Variants in STK39 observed in about 807,000 individuals in gnomAD.
The protein encoded by STK39 is STE20/SPS1-related proline-alanine-rich protein kinase.
Under a neutral mutation model 77.8 loss-of-function variants are expected in STK39, and 20 were observed. The ratio of observed to expected loss-of-function variants is 0.26; its 90% CI spans 0.18 to 0.37. The LOEUF (loss-of-function observed/expected upper bound fraction) is 0.37. Ranked by LOEUF, STK39 falls within the 10% of genes least tolerant of loss-of-function variation. The pLI is 1.00. For synonymous variants in STK39, 246 were observed against 234.1 expected (o/e 1.05, Z -0.47); for missense variants, 479 against 656.5 (o/e 0.73, Z 2.95).
At chr2:168,021,508 G>C (rs889970928) in intron 14 of STK39, among the ~76,000 whole-genome samples, 2 of 152,018 alleles carry the variant, frequency 1.3e-5, no homozygotes, top group African/African-American at 4.8e-5. Context: ...ACCTTTAATT[G>C]AAAGTACATT....
chr2:168,143,214 G>C (rs982615708), intron 5 of STK39, among the ~76,000 whole-genome samples: 1 of 152,186 alleles, frequency 6.6e-6, no homozygotes, highest in African/African-American at 2.4e-5. Context: ...AACAAATAAT[G>C]CTGTCATCCT....
rs200972170 is a variant in STK39 at position 167,961,583 on chromosome 2, TA to T, written c.1563+3078del. Among the ~76,000 whole-genome samples, 131 of 151,144 alleles carry T rather than the reference TA, an allele frequency of 8.7e-4. 1 individual carries two copies. Among genetic ancestry groups the T allele is most frequent in the African/African-American group, 2.4e-3 (99 of 41,204 alleles). On this transcript the variant is annotated intron_variant, in intron 17 of 17. Transcript: ENST00000355999. ...AAGGTTTACAACAATAAAACACTAC[TA>T]AAAAAAAATACATCAAACTCAAAGC...
intron 2 of STK39, among the ~76,000 whole-genome samples, chr2:168,181,476 C>A (rs1279841733): frequency 6.6e-6 from 1 of 151,948 alleles, no homozygotes; most frequent in Non-Finnish European, 1.5e-5. Flanking sequence ...TTAAGAAAAA[C>A]AAACTCCTCT....
intron 1 of STK39, among the ~76,000 whole-genome samples, chr2:168,183,373 TC>T (rs753513757): frequency 8.5e-5 from 13 of 152,226 alleles, no homozygotes; most frequent in Non-Finnish European, 1.6e-4. Context: ...GACACTTGAC[TC>T]CTTATGAGCC....
chr2:168,019,610 G>A (rs1466965834), intron 14 of STK39, among the ~76,000 whole-genome samples: 5 of 152,212 alleles, frequency 3.3e-5, no homozygotes, highest in Non-Finnish European at 5.9e-5. Context: ...CTGCCCTGGA[G>A]GTGGAGTGTA....
At chr2:167,964,580 A>T (rs994518773) in intron 17 of STK39, 82 bp downstream of exon 17, 6 of 1,240,236 alleles carry the variant, frequency 4.8e-6, no homozygotes, top group Non-Finnish European at 5.8e-6. Flanking sequence ...ATTACAGAGT[A>T]GGTTATTAAA....
At chr2:168,147,778 A>G (rs1407611884) in intron 5 of STK39, among the ~76,000 whole-genome samples, 1 of 152,192 alleles carries the variant, frequency 6.6e-6, no homozygotes, top group East Asian at 1.9e-4. Flanking sequence ...GGCCCAGTAT[A>G]CTACACTCAG....
At chr2:168,105,732 A>G (rs1361467635) in intron 10 of STK39, among the ~76,000 whole-genome samples, 1 of 152,252 alleles carries the variant, frequency 6.6e-6, no homozygotes, top group East Asian at 1.9e-4. Context: ...CCAGAGTTTC[A>G]GGATTAATAA....
intron 2 of STK39, among the ~76,000 whole-genome samples, chr2:168,170,697 G>A (rs1688801650): frequency 6.6e-6 from 1 of 152,170 alleles, no homozygotes; most frequent in South Asian, 2.1e-4. Flanking sequence ...TGAGAGGAGG[G>A]ACACAGACGA....
intron 1 of STK39, among the ~76,000 whole-genome samples, chr2:168,197,220 C>T (rs750323112): frequency 1.3e-5 from 2 of 152,090 alleles, no homozygotes; most frequent in Admixed American, 6.5e-5. Flanking sequence ...TATATTTGGA[C>T]GTAGAGCCAC....
At chr2:168,193,711 T>C (rs920908634) in intron 1 of STK39, among the ~76,000 whole-genome samples, 7 of 152,210 alleles carry the variant, frequency 4.6e-5, no homozygotes, top group Non-Finnish European at 7.3e-5. Flanking sequence ...CTGTGTTGTA[T>C]TGAAAGATGT....
chr2:168,057,631 G>A (rs576944936), intron 14 of STK39, among the ~76,000 whole-genome samples: 2 of 152,220 alleles, frequency 1.3e-5, no homozygotes, highest in African/African-American at 4.8e-5. Context: ...CCCTGTTCCA[G>A]CCTGTTAATC....
chr2:168,138,314 T>C, intron 7 of STK39, 93 bp from the exon 8 acceptor site: 1 of 1,464,060 alleles, frequency 6.8e-7, no homozygotes, highest in Non-Finnish European at 9.1e-7. Flanking sequence ...AAAACCATCC[T>C]TGATTAGATA....
At chr2:167,958,353 T>C (rs992569643) in intron 17 of STK39, among the ~76,000 whole-genome samples, 1 of 152,184 alleles carries the variant, frequency 6.6e-6, no homozygotes, top group Non-Finnish European at 1.5e-5. Flanking sequence ...TTACATAAAT[T>C]AATTATACTA....
intron 5 of STK39, among the ~76,000 whole-genome samples, chr2:168,147,735 C>G (rs1688178276): frequency 6.6e-6 from 1 of 152,088 alleles, no homozygotes; most frequent in South Asian, 2.1e-4. Context: ...ATGACATGAC[C>G]TAAACAACAT....
chr2:168,145,651 T>A (rs968717719), intron 5 of STK39, among the ~76,000 whole-genome samples: 12 of 152,174 alleles, frequency 7.9e-5, no homozygotes, highest in African/African-American at 2.9e-4. Context: ...GCCAACTGTG[T>A]GGTTATGATG....
chr2:168,103,460 A>G, intron 10 of STK39, among the ~76,000 whole-genome samples: 1 of 152,224 alleles, frequency 6.6e-6, no homozygotes, highest in South Asian at 2.1e-4. Flanking sequence ...ATTCTCCAAG[A>G]AACAGAAAAC....
chr2:168,028,178 T>TA (rs911403845), intron 14 of STK39, among the ~76,000 whole-genome samples: 22 of 152,254 alleles, frequency 1.4e-4, no homozygotes, highest in African/African-American at 4.8e-4. Flanking sequence ...TCAAAAATTA[T>TA]AAAAAACATT....
chr2:167,965,800 A>G (rs1692141783), intron 16 of STK39, among the ~76,000 whole-genome samples: 2 of 152,234 alleles, frequency 1.3e-5, no homozygotes, highest in South Asian at 4.1e-4. Flanking sequence ...ACATACAAGT[A>G]TTTTGAGAAA....
Sources: gnomAD v4.1 joint callset for allele counts (sites outside exome capture counted in the v4.1 genomes callset) on GRCh38, gnomAD v4.1.1 for gene constraint, MANE v1.5 for transcripts, NCBI Gene and HGNC (gene_info 2026-07-23, HGNC 2026-07-21) for gene names.